CD82: variants seen among roughly 807,000 people sequenced by gnomAD.
CD82 encodes the protein CD82 antigen.
A neutral mutation model predicts 37.4 loss-of-function variants in CD82; 36 were observed. That is an observed-to-expected ratio of 0.96 (90% CI 0.74 to 1.27). The LOEUF is 1.27. Among genes scored for constraint, CD82 ranks in the 50% most tolerant of loss-of-function variants. The pLI is 0.00. For missense variants in CD82, 340 were observed against 347.0 expected, an observed-to-expected ratio of 0.98 and a Z score of 0.16; for synonymous variants, 158 against 137.4, an observed-to-expected ratio of 1.15 and a Z score of -1.05.
chr11:44,565,252 G>T (rs1852711982), upstream of CD82, among the ~76,000 whole-genome samples: 1 of 152,200 alleles, frequency 6.6e-6, no homozygotes, highest in Non-Finnish European at 1.5e-5. Flanking sequence ...GGATGGGGTG[G>T]GCTCGAAGGA....
chr11:44,564,535 G>C (rs960092241), upstream of CD82: 1 of 455,844 alleles, frequency 2.2e-6, no homozygotes, highest in African/African-American at 2.0e-5. Context: ...TCTGGAGCCT[G>C]GGAGGGCAGA....
intron 2 of CD82, among the ~76,000 whole-genome samples, chr11:44,590,166 C>T (rs1427980977): frequency 1.3e-5 from 2 of 152,030 alleles, no homozygotes; most frequent in African/African-American, 4.8e-5. Context: ...CTTGTGGGTG[C>T]GCCATTTGAT....
chr11:44,605,940 G>A (rs187602075), intron 6 of CD82, among the ~76,000 whole-genome samples: 161 of 152,362 alleles, frequency 1.1e-3, no homozygotes, highest in Non-Finnish European at 2.0e-3. Flanking sequence ...TGTCCGAGGG[G>A]AGATGTTCAG....
intron 2 of CD82, among the ~76,000 whole-genome samples, chr11:44,592,932 AGGCAGCTTTTTCCTAACTTG>A (rs371899870): frequency 2.0e-5 from 3 of 152,182 alleles, no homozygotes; most frequent in South Asian, 2.1e-4. Context: ...ACTACCACCC[AGGCAGCTTTTTCCTAACTTG>A]GGCAGCTTTG....
At chr11:44,567,930 AC>A (rs1279610735) in intron 1 of CD82, among the ~76,000 whole-genome samples, 2 of 152,248 alleles carry the variant, frequency 1.3e-5, no homozygotes, top group African/African-American at 4.8e-5. Context: ...AGGGAGGTCA[AC>A]CTGTCCTGAG....
intron 6 of CD82, among the ~76,000 whole-genome samples, chr11:44,608,579 C>T (rs1287109782): frequency 1.3e-5 from 2 of 152,250 alleles, no homozygotes; most frequent in African/African-American, 4.8e-5. Context: ...GCCTCAGTTT[C>T]CACATTTGTC....
At chr11:44,570,311 C>T (rs1852796067) in intron 1 of CD82, among the ~76,000 whole-genome samples, 1 of 152,058 alleles carries the variant, frequency 6.6e-6, no homozygotes, top group African/African-American at 2.4e-5. Context: ...CCCTCATTGC[C>T]CTTCACCTTC....
At chr11:44,578,767 C>T (rs1852936766) in intron 1 of CD82, among the ~76,000 whole-genome samples, 1 of 152,108 alleles carries the variant, frequency 6.6e-6, no homozygotes, top group Non-Finnish European at 1.5e-5. Flanking sequence ...AGGACTGGAC[C>T]AGGGGGGATG....
At chr11:44,569,062 A>G (rs1199194006) in intron 1 of CD82, among the ~76,000 whole-genome samples, 1 of 152,158 alleles carries the variant, frequency 6.6e-6, no homozygotes, top group African/African-American at 2.4e-5. Flanking sequence ...GAAGGGAGGG[A>G]AGAGCCTGGA....
chr11:44,585,572 G>A (rs759429414), intron 1 of CD82, among the ~76,000 whole-genome samples: 4 of 152,304 alleles, frequency 2.6e-5, no homozygotes, highest in South Asian at 2.1e-4. Context: ...GTAGGTGGGC[G>A]GGGTTGGCAT....
intron 4 of CD82, chr11:44,604,556 G>A (rs1310987734): frequency 1.2e-5 from 2 of 173,322 alleles, no homozygotes; most frequent in East Asian, 3.4e-4. Flanking sequence ...AAGGAAGGCG[G>A]GTTAAAAATC....
chr11:44,581,594 G>A (rs1852979958), intron 1 of CD82, among the ~76,000 whole-genome samples: 1 of 152,106 alleles, frequency 6.6e-6, no homozygotes, highest in African/African-American at 2.4e-5. Flanking sequence ...GCTCCCTGAG[G>A]GCAGGGATGG....
rs374050393 is a variant in CD82, at chr11:44,605,077, T to C, written c.156T>C (p.Leu52=). The C allele has an allele frequency of 1.9e-5, 30 of 1,614,182 alleles. No homozygotes were observed. The highest frequency in any genetic ancestry group is 2.5e-5 in the Non-Finnish European group (29 of 1,180,028). ...ISVLQTSSSS[L]RMGAYVFIGV... ...CCCTAGAAACCTCCTCCAGCTCGCT[T>C]AGGATGGGGGCCTATGTCTTCATCG... Residue 52 remains leucine (L), a synonymous_variant, in exon 5 of 10, where the codon CTT becomes CTC. Transcript: ENST00000227155.
intron 2 of CD82, among the ~76,000 whole-genome samples, chr11:44,592,239 C>T (rs562842303): frequency 2.6e-5 from 4 of 152,316 alleles, no homozygotes; most frequent in East Asian, 1.9e-4. Flanking sequence ...ACTGCAACAC[C>T]GTGGATCTGA....
chr11:44,617,329 C>T (rs566727899), intron 7 of CD82, among the ~76,000 whole-genome samples: 2 of 152,190 alleles, frequency 1.3e-5, no homozygotes, highest in East Asian at 1.9e-4. Flanking sequence ...GAGGCCGAGG[C>T]GGGCGGATCA....
In CD82 at chr11:44,572,585, A is replaced by G. The variant is rs369301919; in HGVS notation, c.-103+6849A>G. Among the ~76,000 whole-genome samples the G allele has an allele frequency of 7.2e-5, 11 of 152,100 alleles. No homozygotes were observed. The East Asian group carries it at 1.7e-3, about 24-fold the overall frequency. On this transcript the variant is annotated intron_variant, in intron 1 of 9. Coordinates refer to ENST00000227155, the MANE Select transcript of CD82 (RefSeq NM_002231.4). ...ACTTGGAGGGAGTGCCTATGGTAGG[A>G]GCGTCCATTGTCCGCAGCCGCCCAG... is the stretch of plus-strand genomic sequence containing the variant.
At chr11:44,612,327 G>T (rs1167176952) in intron 6 of CD82, among the ~76,000 whole-genome samples, 1 of 152,122 alleles carries the variant, frequency 6.6e-6, no homozygotes, top group African/African-American at 2.4e-5. Context: ...AACCTCTCTG[G>T]GTTTGTTTTC....
chr11:44,565,308 G>A (rs1239470738), upstream of CD82, among the ~76,000 whole-genome samples: 1 of 152,198 alleles, frequency 6.6e-6, no homozygotes, highest in African/African-American at 2.4e-5. Flanking sequence ...GGAGGAGACC[G>A]GGAGGACGAG....
At chr11:44,566,997 C>T (rs545809577) in intron 1 of CD82, among the ~76,000 whole-genome samples, 7 of 152,270 alleles carry the variant, frequency 4.6e-5, no homozygotes, top group East Asian at 1.9e-4. Context: ...TTACTGAGCA[C>T]CTACTATATG....
Sources: allele counts gnomAD v4.1 joint callset (sites outside exome capture counted in the v4.1 genomes callset), GRCh38; gene constraint gnomAD v4.1.1; transcripts MANE v1.5; gene names NCBI Gene and HGNC (gene_info 2026-07-23, HGNC 2026-07-21).